PDE4D: variants seen among roughly 807,000 people sequenced by gnomAD.
PDE4D encodes phosphodiesterase 4D, also known as 3',5'-cyclic-AMP phosphodiesterase 4D.
PDE4D carries 24 observed loss-of-function variants against 87.4 expected under a neutral mutation model. The ratio of observed to expected loss-of-function variants is 0.27; its 90% confidence interval spans 0.20 to 0.39. The LOEUF is 0.39. Among genes scored for constraint, PDE4D ranks in the 10% least tolerant of loss-of-function variants. The probability of loss-of-function intolerance (pLI) is 1.00; values close to 1 mark genes in which losing one functional copy is unlikely to be tolerated. For missense variants in PDE4D, 714 were observed against 1,041.0 expected (o/e 0.69, Z 4.32); for synonymous variants, 384 against 383.2 (o/e 1.00, Z -0.02).
At chr5:59,958,080 C>T (rs1759052238) in intron 3 of PDE4D, among the ~76,000 whole-genome samples, 1 of 152,022 alleles carries the variant, frequency 6.6e-6, no homozygotes, top group Non-Finnish European at 1.5e-5. Context: ...TGGTAATAGG[C>T]TCTGATCTAT....
At chr5:60,469,887 C>G (rs1358041695) in intron 1 of PDE4D, among the ~76,000 whole-genome samples, 2 of 152,078 alleles carry the variant, frequency 1.3e-5, no homozygotes, top group African/African-American at 4.8e-5. Flanking sequence ...AAAAGTTAGG[C>G]CAATTAATAA....
At chr5:60,007,315 A>T (rs1230105749) in intron 2 of PDE4D, among the ~76,000 whole-genome samples, 1 of 152,072 alleles carries the variant, frequency 6.6e-6, no homozygotes, top group Non-Finnish European at 1.5e-5. Flanking sequence ...GTGTTTTGTA[A>T]GTTAAATTAC....
At position 60,414,072 on chromosome 5, in the gene PDE4D, T is replaced by C. The variant is rs568183420; in HGVS notation, c.-90+73870A>G. On this transcript the variant is annotated intron_variant, in intron 1 of 16. Transcript: ENST00000502484. ...TCGAAGGTAAGCAGAAGGGGTCATG[T>C]ATTCCTTAGTACATGCTGTGATAAC... 3.9e-5 allele frequency among the ~76,000 whole-genome samples: 6 copies of C among 152,338 alleles called. No homozygotes were observed. In the South Asian group the frequency reaches 1.2e-3, roughly 32 times the overall value.
chr5:60,077,372 TG>T (rs1773415655), intron 2 of PDE4D, among the ~76,000 whole-genome samples: 1 of 152,074 alleles, frequency 6.6e-6, no homozygotes, highest in African/African-American at 2.4e-5. Context: ...CCAAGTAGCA[TG>T]GGGGACGCTG....
intron 1 of PDE4D, among the ~76,000 whole-genome samples, chr5:59,689,720 G>C (rs1463362161): frequency 6.6e-6 from 1 of 152,138 alleles, no homozygotes; most frequent in African/African-American, 2.4e-5. Context: ...GTTCTGGCCA[G>C]GGCAATCAGG....
intron 1 of PDE4D, among the ~76,000 whole-genome samples, chr5:59,420,927 C>T (rs979660713): frequency 4.6e-5 from 7 of 152,002 alleles, no homozygotes; most frequent in African/African-American, 1.7e-4. Flanking sequence ...AACTGTTTAC[C>T]TATCATAAGG....
chr5:59,803,558 GAAAGTGCTGGGA>G (rs1767399203), intron 1 of PDE4D, among the ~76,000 whole-genome samples: 1 of 151,958 alleles, frequency 6.6e-6, no homozygotes, highest in Non-Finnish European at 1.5e-5. Context: ...CTTGGCCTCC[GAAAGTGCTGGGA>G]TTACAGGTGT....
chr5:59,575,755 A>G (rs1823041743), intron 1 of PDE4D, among the ~76,000 whole-genome samples: 1 of 152,264 alleles, frequency 6.6e-6, no homozygotes, highest in South Asian at 2.1e-4. Flanking sequence ...AGCACCTACT[A>G]TGTGTCAGGC....
intron 5 of PDE4D, among the ~76,000 whole-genome samples, chr5:59,048,296 A>G (rs1398628565): frequency 6.6e-6 from 1 of 152,208 alleles, no homozygotes; most frequent in East Asian, 1.9e-4. Flanking sequence ...AATCAATTTT[A>G]TTTCCCTGGG....
chr5:59,960,974 T>C (rs954136552), intron 3 of PDE4D, among the ~76,000 whole-genome samples: 1 of 152,228 alleles, frequency 6.6e-6, no homozygotes, highest in African/African-American at 2.4e-5. Context: ...CATCTGGCAC[T>C]ATAGGCTCTC....
At chr5:59,716,365 G>A (rs1047944380) in intron 1 of PDE4D, among the ~76,000 whole-genome samples, 1 of 152,200 alleles carries the variant, frequency 6.6e-6, no homozygotes, top group African/African-American at 2.4e-5. Flanking sequence ...AGTTCCTCAC[G>A]TGTTTTTCCA....
intron 4 of PDE4D, among the ~76,000 whole-genome samples, chr5:59,181,297 A>G (rs1292793252): frequency 6.6e-6 from 1 of 151,688 alleles, no homozygotes; most frequent in Non-Finnish European, 1.5e-5. Flanking sequence ...GTTCCACAAA[A>G]TGACTATAAA....
chr5:59,120,250 T>G (rs987142870), intron 5 of PDE4D, among the ~76,000 whole-genome samples: 1 of 152,202 alleles, frequency 6.6e-6, no homozygotes, highest in Non-Finnish European at 1.5e-5. Flanking sequence ...ACCAGAACAC[T>G]TTTTATAAAC....
intron 11 of PDE4D, among the ~76,000 whole-genome samples, chr5:58,986,609 C>A (rs1022134695): frequency 6.6e-6 from 1 of 152,160 alleles, no homozygotes; most frequent in African/African-American, 2.4e-5. Context: ...CTAGGTTGTG[C>A]GTTCCTTATG....
intron 1 of PDE4D, among the ~76,000 whole-genome samples, chr5:59,496,983 C>T (rs1807338657): frequency 6.6e-6 from 1 of 152,120 alleles, no homozygotes; most frequent in South Asian, 2.1e-4. Flanking sequence ...TACTGGGCTG[C>T]AGCCTGAATT....
At chr5:60,212,286 T>C (rs991842031) in intron 1 of PDE4D, among the ~76,000 whole-genome samples, 15 of 152,158 alleles carry the variant, frequency 9.9e-5, no homozygotes, top group Non-Finnish European at 1.8e-4. Flanking sequence ...AATAGAAAAA[T>C]CATAACTTTC....
intron 2 of PDE4D, among the ~76,000 whole-genome samples, chr5:60,024,279 G>A (rs2152854841): frequency 6.6e-6 from 1 of 152,178 alleles, no homozygotes; most frequent in Non-Finnish European, 1.5e-5. Flanking sequence ...TCAACCACAT[G>A]TGGTTCAAGT....
intron 2 of PDE4D, among the ~76,000 whole-genome samples, chr5:60,027,960 T>C (rs1200875225): frequency 2.0e-5 from 3 of 152,246 alleles, no homozygotes; most frequent in African/African-American, 7.2e-5. Context: ...TGAGAATCTC[T>C]GTTCTATATT....
At chr5:59,252,416 C>G (rs1035531307) in intron 1 of PDE4D, among the ~76,000 whole-genome samples, 1 of 152,152 alleles carries the variant, frequency 6.6e-6, no homozygotes, top group Non-Finnish European at 1.5e-5. Flanking sequence ...TCTCTGCAAG[C>G]CTCAGCCCAA....
Sources: allele counts gnomAD v4.1 joint callset (sites outside exome capture counted in the v4.1 genomes callset), GRCh38; gene constraint gnomAD v4.1.1; transcripts MANE v1.5; gene names NCBI Gene and HGNC (gene_info 2026-07-23, HGNC 2026-07-21).